Variants in STK33 observed in about 807,000 individuals in gnomAD.
STK33 encodes the protein serine/threonine kinase 33.
STK33 carries 52 observed loss-of-function variants against 58.0 expected under a neutral mutation model. The ratio of observed to expected loss-of-function variants is 0.90; its 90% CI spans 0.72 to 1.13. The LOEUF is 1.13. Among genes scored for constraint, STK33 ranks in the 50% most tolerant of loss-of-function variants. The probability of loss-of-function intolerance (pLI) is 0.00; values close to 1 mark genes in which losing one functional copy is unlikely to be tolerated. For missense variants in STK33, 630 were observed against 604.2 expected, an observed-to-expected ratio of 1.04 and a Z score of -0.45; for synonymous variants, 215 against 200.1, an observed-to-expected ratio of 1.07 and a Z score of -0.63.
rs777266084 is a variant in STK33, at chr11:8,474,866, G to C, written c.40C>G (p.Pro14Ala). The C allele has an allele frequency of 1.3e-6, 2 of 1,593,096 alleles. No homozygotes were observed. Among genetic ancestry groups the C allele is most frequent in the Non-Finnish European group, 1.7e-6 (2 of 1,170,874 alleles). ...SGLDKKSTKC[P>A]DCSSASQKDV... ...TTCTGAGAAGCAGATGAACAGTCGG[G>C]GCATTTTGTGGATTTTTTATCTAAG... is the stretch of plus-strand genomic sequence containing the variant. Residue 14 changes from proline (P) to alanine (A), a missense_variant, in exon 5 of 16, where the codon CCC becomes GCC. Transcript: ENST00000687296.
At chr11:8,399,128 C>G (rs972721571) in intron 15 of STK33, among the ~76,000 whole-genome samples, 2 of 152,228 alleles carry the variant, frequency 1.3e-5, no homozygotes, top group Admixed American at 1.3e-4. Flanking sequence ...TAATAGACTT[C>G]TACAGAACTT....
chr11:8,340,661 C>T, the STK33 span, among the ~76,000 whole-genome samples: 1 of 152,184 alleles, frequency 6.6e-6, no homozygotes, highest in South Asian at 2.1e-4. Context: ...TGTCTCTAGT[C>T]CCTGCTGCCT....
intron 14 of STK33, among the ~76,000 whole-genome samples, chr11:8,433,109 C>A (rs1564943726): frequency 6.6e-6 from 1 of 152,218 alleles, no homozygotes. Flanking sequence ...CAATATAGTT[C>A]TGCAGTGATC....
intron 15 of STK33, among the ~76,000 whole-genome samples, chr11:8,402,850 G>T (rs1469311536): frequency 6.6e-6 from 1 of 152,156 alleles, no homozygotes; most frequent in Admixed American, 6.5e-5. Context: ...TATTTTGTTA[G>T]GTTATAGATT....
chr11:8,457,664 TC>T (rs1947039472), intron 8 of STK33, among the ~76,000 whole-genome samples, 185 bp from the exon 9 acceptor site: 2 of 152,154 alleles, frequency 1.3e-5, no homozygotes, highest in Admixed American at 1.3e-4. Context: ...ATAGTATTTA[TC>T]CCCAAGAAGC....
chr11:8,562,821 G>A (rs1957203695), intron 1 of STK33, among the ~76,000 whole-genome samples: 1 of 152,122 alleles, frequency 6.6e-6, no homozygotes, highest in Non-Finnish European at 1.5e-5. Flanking sequence ...CACTTTGGGA[G>A]GCACTGAAGA....
At chr11:8,542,357 G>C (rs1056775217) in intron 1 of STK33, among the ~76,000 whole-genome samples, 10 of 152,086 alleles carry the variant, frequency 6.6e-5, no homozygotes, top group Non-Finnish European at 1.2e-4. Context: ...TCTGAAATAG[G>C]GAAACAACAC....
At chr11:8,533,929 T>C (rs770704345) in intron 1 of STK33, among the ~76,000 whole-genome samples, 8 of 152,206 alleles carry the variant, frequency 5.3e-5, no homozygotes, top group Non-Finnish European at 1.0e-4. Flanking sequence ...TAACTTCAAA[T>C]TGTATCTAGC....
intron 1 of STK33, among the ~76,000 whole-genome samples, chr11:8,593,544 T>C (rs948170741): frequency 2.6e-5 from 4 of 152,140 alleles, no homozygotes; most frequent in Admixed American, 2.6e-4. Flanking sequence ...AGTTCTTAAA[T>C]TACCTGTCCA....
At chr11:8,377,212 T>G in the STK33 span, among the ~76,000 whole-genome samples, 1 of 152,220 alleles carries the variant, frequency 6.6e-6, no homozygotes, top group Non-Finnish European at 1.5e-5. Context: ...GATACCCCTA[T>G]AGTTGTGGGG....
At chr11:8,594,024 G>A (rs969369927) in intron 1 of STK33, 59 bp downstream of exon 1, 1 of 152,276 alleles carries the variant, frequency 6.6e-6, no homozygotes, top group Non-Finnish European at 1.5e-5. Context: ...GCTGCGCCCC[G>A]GGCCGCCCGC....
At chr11:8,387,067 G>A (rs1848553935), downstream of STK33, among the ~76,000 whole-genome samples, 1 of 152,222 alleles carries the variant, frequency 6.6e-6, no homozygotes, top group Non-Finnish European at 1.5e-5. Context: ...AAAGCCTTGA[G>A]AACTTACTTT....
chr11:8,484,201 G>A (rs1273362414), intron 1 of STK33, among the ~76,000 whole-genome samples: 1 of 152,178 alleles, frequency 6.6e-6, no homozygotes, highest in Admixed American at 6.5e-5. Context: ...TATGCAACAT[G>A]TATAGATGGT....
intron 1 of STK33, among the ~76,000 whole-genome samples, chr11:8,513,942 C>T (rs889896424): frequency 1.2e-4 from 19 of 152,038 alleles, no homozygotes; most frequent in Non-Finnish European, 2.6e-4. Flanking sequence ...ATTAACCACC[C>T]CCACTTCCCC....
At chr11:8,544,262 T>C (rs1324078340) in intron 1 of STK33, among the ~76,000 whole-genome samples, 5 of 149,968 alleles carry the variant, frequency 3.3e-5, no homozygotes, top group East Asian at 1.9e-4. Context: ...GCATTCCCAA[T>C]TTAATCTAAT....
At chr11:8,557,286 G>GGAGGGGAGGGAGAGGAGAGAA (rs1554999846) in intron 1 of STK33, among the ~76,000 whole-genome samples, 1 of 34,286 alleles carries the variant, frequency 2.9e-5, no homozygotes, top group Non-Finnish European at 5.8e-5. Context: ...GGAGGGGAGG[G>GGAGGGGAGGGAGAGGAGAGAA]GAGGAGAGAA....
At chr11:8,399,999 T>C (rs1850099141) in intron 15 of STK33, among the ~76,000 whole-genome samples, 1 of 152,018 alleles carries the variant, frequency 6.6e-6, no homozygotes, top group South Asian at 2.1e-4. Flanking sequence ...CCAAAAAAAG[T>C]CCAGGACCAG....
the STK33 span, among the ~76,000 whole-genome samples, chr11:8,380,140 T>C: frequency 1.3e-5 from 2 of 152,226 alleles, no homozygotes; most frequent in Admixed American, 6.5e-5. Flanking sequence ...TTTGGGTATA[T>C]ACCCAGTAAT....
chr11:8,584,810 A>G (rs770145878), intron 1 of STK33, among the ~76,000 whole-genome samples: 39 of 152,190 alleles, frequency 2.6e-4, no homozygotes, highest in Non-Finnish European at 1.6e-4. Context: ...TCATAACCCT[A>G]AGGTAAACAG....
Sources: allele counts gnomAD v4.1 joint callset (sites outside exome capture counted in the v4.1 genomes callset), GRCh38; gene constraint gnomAD v4.1.1; transcripts MANE v1.5; gene names NCBI Gene and HGNC (gene_info 2026-07-23, HGNC 2026-07-21).